ZNF10: variants seen among roughly 807,000 people sequenced by gnomAD.
ZNF10 encodes the protein zinc finger protein 10 (KOX 1).
A neutral mutation model predicts 12.2 loss-of-function variants in ZNF10; 8 were observed. The ratio of observed to expected loss-of-function variants is 0.66; its 90% CI spans 0.39 to 1.18. ZNF10 has a LOEUF of 1.18. Ranked by LOEUF, ZNF10 falls within the 50% of genes most tolerant of loss-of-function variation. The probability of loss-of-function intolerance (pLI) is 0.01; values close to 1 mark genes in which losing one functional copy is unlikely to be tolerated. For synonymous variants in ZNF10, 229 were observed against 228.2 expected (o/e 1.00, Z -0.03); for missense variants, 603 against 678.9 (o/e 0.89, Z 1.24).
chr12:133,149,090 G>T (rs1955993170), intron 2 of ZNF10, among the ~76,000 whole-genome samples: 1 of 151,188 alleles, frequency 6.6e-6, no homozygotes, highest in African/African-American at 2.4e-5. Context: ...TGAGGCTTGT[G>T]GTTTGTTTGT....
chr12:133,146,696 A>T (rs1955978178), intron 2 of ZNF10, among the ~76,000 whole-genome samples: 2 of 151,992 alleles, frequency 1.3e-5, no homozygotes, highest in South Asian at 4.1e-4. Context: ...AAATACAAAA[A>T]TTAGCTGGGC....
intron 4 of ZNF10, 70 bp from the exon 5 acceptor site, chr12:133,155,433 T>C (rs1956033078): frequency 4.8e-6 from 7 of 1,467,282 alleles, no homozygotes; most frequent in Middle Eastern, 2.3e-4. Flanking sequence ...ATACTTTGTC[T>C]CCACATACAT....
chr12:133,150,144 T>G (rs1338229601), intron 2 of ZNF10, among the ~76,000 whole-genome samples: 2 of 152,214 alleles, frequency 1.3e-5, no homozygotes, highest in East Asian at 3.8e-4. Flanking sequence ...TACCCAGATA[T>G]CTACTGTTTT....
chr12:133,140,832 T>A (rs751687349), intron 1 of ZNF10, among the ~76,000 whole-genome samples: 1 of 152,190 alleles, frequency 6.6e-6, no homozygotes, highest in Non-Finnish European at 1.5e-5. Flanking sequence ...GTTTTATGCA[T>A]GGTCCCATAA....
intron 1 of ZNF10, among the ~76,000 whole-genome samples, chr12:133,138,911 C>G (rs1016099868): frequency 6.6e-6 from 1 of 152,182 alleles, no homozygotes; most frequent in Non-Finnish European, 1.5e-5. Flanking sequence ...CATTCTGACT[C>G]CTTAAAAGGA....
rs775418521 is a variant in ZNF10 at position 133,155,538 on chromosome 12, T to G, written c.292T>G (p.Ser98Ala). The change falls in exon 5 of 5, where the codon TCC becomes GCC. Residue 98 changes from serine (S) to alanine (A), a missense_variant. Coordinates refer to ENST00000248211, the MANE Select transcript of ZNF10 (RefSeq NM_015394.5). ...ETAFEIKSSV[S>A]SRSIFKDKQS... ...TGCATTTGAAATCAAATCATCAGTTTCCAGCAGGAGCATTTTTAAAGATAA... is the reference window on the plus strand; with the variant it reads ...TGCATTTGAAATCAAATCATCAGTTGCCAGCAGGAGCATTTTTAAAGATAA... 49 of 1,596,926 alleles carry G rather than the reference T, an allele frequency of 3.1e-5. No homozygotes were observed. The highest frequency in any genetic ancestry group is 4.0e-5 in the Non-Finnish European group (47 of 1,175,124).
At chr12:133,150,101 A>G (rs1465326173) in intron 2 of ZNF10, among the ~76,000 whole-genome samples, 1 of 152,196 alleles carries the variant, frequency 6.6e-6, no homozygotes, top group Non-Finnish European at 1.5e-5. Flanking sequence ...TATTTTTGAA[A>G]AATTTCAGAG....
Position 133,156,743 on chromosome 12 carries a change from C to T in ZNF10, c.1497C>T (p.Ile499=), listed in dbSNP as rs1353817821. Residue 499 remains isoleucine (I), a synonymous_variant, in exon 5 of 5, where the codon ATC becomes ATT. Coordinates refer to ENST00000248211, the MANE Select transcript of ZNF10 (RefSeq NM_015394.5). ...YECCQCGKAF[I]RKNDLIKHQR... is the part of the protein sequence containing the mutation. ...GCTGTCAGTGTGGGAAAGCCTTCAT[C>T]CGGAAGAATGACCTCATTAAGCACC... 12 of 1,608,350 alleles carry T rather than the reference C, an allele frequency of 7.5e-6. No homozygotes were observed. The Admixed American group carries it at 1.0e-4, about 14-fold the overall frequency.
At chr12:133,154,712 G>A (rs910714379) in intron 4 of ZNF10, among the ~76,000 whole-genome samples, 5 of 152,176 alleles carry the variant, frequency 3.3e-5, no homozygotes, top group Non-Finnish European at 5.9e-5. Flanking sequence ...TCATCTGGGT[G>A]TTATTCTATA....
At chr12:133,150,233 C>A (rs112000466) in intron 2 of ZNF10, among the ~76,000 whole-genome samples, 9 of 152,208 alleles carry the variant, frequency 5.9e-5, no homozygotes, top group Non-Finnish European at 1.3e-4. Context: ...CTTCCTTCAG[C>A]ACATCTTCTA....
chr12:133,142,863 G>A (rs920625945), intron 1 of ZNF10, among the ~76,000 whole-genome samples: 1 of 152,150 alleles, frequency 6.6e-6, no homozygotes, highest in African/African-American at 2.4e-5. Context: ...CAAGGGAATC[G>A]AATGTAGGAA....
At chr12:133,146,013 GA>G (rs1307709679) in intron 2 of ZNF10, among the ~76,000 whole-genome samples, 1 of 152,194 alleles carries the variant, frequency 6.6e-6, no homozygotes, top group Non-Finnish European at 1.5e-5. Flanking sequence ...CACCAGGCCA[GA>G]AATCAGATAG....
In ZNF10 at chr12:133,156,198, G is replaced by A. The variant is rs955286259; in HGVS notation, c.952G>A (p.Glu318Lys). The stretch of plus-strand genomic sequence containing the variant: ...TGGACATCAAAAGACCCATACTGGT[G>A]AGGAACCCTATGAATGTAAAGAATG... Reference protein sequence around the residue: ...LIGHQKTHTGEEPYECKECGK... With the variant: ...LIGHQKTHTGKEPYECKECGK... Residue 318 changes from glutamate (E) to lysine (K), a missense_variant, in exon 5 of 5, where the codon GAG becomes AAG. Glu to Lys is a moderately conservative substitution (Grantham distance 56, BLOSUM62 1). Around this residue, in one of 3 missense-constraint regions of ZNF10, gnomAD observed 393 missense variants for 399.7 expected, o/e 0.98. Coordinates refer to ENST00000248211, the MANE Select transcript of ZNF10 (RefSeq NM_015394.5). 2 of 1,614,024 alleles carry A rather than the reference G, an allele frequency of 1.2e-6. No homozygotes were observed. The highest frequency in any genetic ancestry group is 2.2e-5 in the East Asian group (1 of 44,870).
At chr12:133,147,678 T>C (rs1955984145) in intron 2 of ZNF10, among the ~76,000 whole-genome samples, 1 of 148,254 alleles carries the variant, frequency 6.7e-6, no homozygotes, top group South Asian at 2.2e-4. Flanking sequence ...AGTGGCACGA[T>C]ATCAGCTCAC....
rs144304054 is a variant in ZNF10 at position 133,149,352 on chromosome 12, CTTTT to C, written c.34-1655_34-1652del. ...CAAGGGCTTGTGGTTTTTGCTATTG[CTTTT>C]TTTTTTTTTTTTTTTTTTTTAGACA... is the stretch of plus-strand genomic sequence containing the variant. On this transcript the variant is annotated intron_variant, in intron 2 of 4. Transcript: ENST00000248211. Among the ~76,000 whole-genome samples, 393 of 85,784 alleles carry C rather than the reference CTTTT, an allele frequency of 4.6e-3. 2 individuals are homozygous for C. Among genetic ancestry groups the C allele is most frequent in the African/African-American group, 0.018 (377 of 20,486 alleles). The allele number at this position is 85,784 out of a possible 152,430, so 56.3% of individuals were successfully genotyped here.
intron 1 of ZNF10, 22 bp from the exon 2 acceptor site, chr12:133,144,412 T>A (rs1955963878): frequency 6.7e-7 from 1 of 1,490,136 alleles, no homozygotes; most frequent in South Asian, 1.2e-5. Flanking sequence ...AAACTTAACT[T>A]ATGTTTCTTT....
chr12:133,136,634 G>A (rs1234977403), intron 1 of ZNF10, among the ~76,000 whole-genome samples: 4 of 151,920 alleles, frequency 2.6e-5, no homozygotes, highest in African/African-American at 7.3e-5. Context: ...ATGCCATTAC[G>A]TGGCACTACT....
chr12:133,147,706 C>G (rs558854701), intron 2 of ZNF10, among the ~76,000 whole-genome samples: 1 of 149,642 alleles, frequency 6.7e-6, no homozygotes, highest in Non-Finnish European at 1.5e-5. Context: ...TTTGCCTTCT[C>G]CCGGATTCAA....
At chr12:133,155,220 T>C (rs1956031978) in intron 4 of ZNF10, among the ~76,000 whole-genome samples, 1 of 152,184 alleles carries the variant, frequency 6.6e-6, no homozygotes, top group South Asian at 2.1e-4. Context: ...GTCCTTTTTA[T>C]GGAATTTCCC....
Sources: allele counts gnomAD v4.1 joint callset (sites outside exome capture counted in the v4.1 genomes callset), GRCh38; gene constraint gnomAD v4.1.1; regional missense constraint gnomAD v4.1.1; transcripts MANE v1.5; gene names NCBI Gene and HGNC (gene_info 2026-07-23, HGNC 2026-07-21).